Variants in CAMTA1 observed in about 807,000 individuals in gnomAD.
CAMTA1 encodes calmodulin binding transcription activator 1, also known as calmodulin-binding transcription activator 1.
Under a neutral mutation model 170.9 loss-of-function variants are expected in CAMTA1, and 27 were observed. The observed-to-expected ratio is 0.16, with a 90% CI of 0.12 to 0.22. CAMTA1 has a LOEUF of 0.22. Among genes scored for constraint, CAMTA1 ranks in the 10% least tolerant of loss-of-function variants. The pLI is 1.00. For synonymous variants in CAMTA1, 833 were observed against 891.5 expected (o/e 0.93, Z 1.17); for missense variants, 1,619 against 2,217.2 (o/e 0.73, Z 5.42).
intron 3 of CAMTA1, among the ~76,000 whole-genome samples, chr1:6,948,532 G>A (rs992791416): frequency 6.6e-6 from 1 of 152,152 alleles, no homozygotes; most frequent in Non-Finnish European, 1.5e-5. Flanking sequence ...TCCATTTACC[G>A]ATGAGGAACT....
rs184800858 is a variant in CAMTA1 at position 7,297,433 on chromosome 1, A to C, written c.438+47807A>C. On this transcript the variant is annotated intron_variant, in intron 5 of 22. Transcript: ENST00000303635. ...CTGGCCTTTTGGGGAACAAATGCCC[A>C]AGGTACTCAGCAAGGGTTCTCTCGT... Among the ~76,000 whole-genome samples the C allele has an allele frequency of 4.4e-3, 675 of 152,330 alleles. 8 individuals are homozygous for C. Among genetic ancestry groups the C allele is most frequent in the Admixed American group, 0.024 (368 of 15,308 alleles).
At chr1:7,560,533 T>C (rs917137311) in intron 6 of CAMTA1, among the ~76,000 whole-genome samples, 4 of 152,246 alleles carry the variant, frequency 2.6e-5, no homozygotes, top group Non-Finnish European at 5.9e-5. Context: ...CCAAGGATAC[T>C]TGGCCATCTG....
At chr1:7,080,400 C>A (rs755588682) in intron 3 of CAMTA1, among the ~76,000 whole-genome samples, 1 of 152,166 alleles carries the variant, frequency 6.6e-6, no homozygotes, top group Non-Finnish European at 1.5e-5. Context: ...GACCTCAATA[C>A]GGCAATTTGA....
At chr1:6,817,357 C>T (rs1279554618) in intron 1 of CAMTA1, among the ~76,000 whole-genome samples, 1 of 152,082 alleles carries the variant, frequency 6.6e-6, no homozygotes, top group Non-Finnish European at 1.5e-5. Context: ...AGTTTTAATT[C>T]AGAAACTAAA....
chr1:6,903,976 C>T (rs561771834), intron 3 of CAMTA1, among the ~76,000 whole-genome samples: 1 of 152,326 alleles, frequency 6.6e-6, no homozygotes, highest in East Asian at 1.9e-4. Context: ...CCCAAATTAT[C>T]TACAGTTTAT....
At chr1:6,820,364 C>A in intron 2 of CAMTA1, 114 bp downstream of exon 2, 1 of 892,424 alleles carries the variant, frequency 1.1e-6, no homozygotes, top group Non-Finnish European at 1.8e-6. Flanking sequence ...GACCTGGGTT[C>A]TGCACTTAAC....
intron 6 of CAMTA1, among the ~76,000 whole-genome samples, chr1:7,495,548 G>A (rs750268440): frequency 1.3e-4 from 20 of 152,184 alleles, no homozygotes; most frequent in Non-Finnish European, 2.4e-4. Context: ...GCACAGCCAG[G>A]CAGAGCCTGA....
chr1:7,651,384 C>A (rs1040451181), intron 7 of CAMTA1, among the ~76,000 whole-genome samples: 1 of 152,170 alleles, frequency 6.6e-6, no homozygotes, highest in Non-Finnish European at 1.5e-5. Context: ...CAGCAGGTGC[C>A]GCCTGTACAG....
chr1:7,707,862 C>T (rs998149195), intron 11 of CAMTA1, among the ~76,000 whole-genome samples: 3 of 152,104 alleles, frequency 2.0e-5, no homozygotes, highest in African/African-American at 7.2e-5. Context: ...AGTGAATTGC[C>T]CTGAAGTCAA....
chr1:7,527,180 G>A (rs562040794), intron 6 of CAMTA1, among the ~76,000 whole-genome samples: 4 of 152,180 alleles, frequency 2.6e-5, no homozygotes, highest in Non-Finnish European at 4.4e-5. Flanking sequence ...TGATGATCTC[G>A]TTTGACTCAT....
chr1:6,920,161 C>A (rs1681694085), intron 3 of CAMTA1, among the ~76,000 whole-genome samples: 1 of 152,170 alleles, frequency 6.6e-6, no homozygotes, highest in African/African-American at 2.4e-5. Context: ...TTAGTTACTT[C>A]CTAGATGCTT....
At chr1:7,507,097 CACTT>C (rs769627456) in intron 6 of CAMTA1, among the ~76,000 whole-genome samples, 44 of 152,006 alleles carry the variant, frequency 2.9e-4, no homozygotes, top group Non-Finnish European at 5.3e-4. Flanking sequence ...TTCACACCCA[CACTT>C]ACATGCTCAC....
chr1:7,405,248 CTAAAAGCGCATCTTG>C (rs1247545012), intron 5 of CAMTA1, among the ~76,000 whole-genome samples: 2 of 152,126 alleles, frequency 1.3e-5, no homozygotes, highest in Non-Finnish European at 2.9e-5. Flanking sequence ...CAAGATGGGC[CTAAAAGCGCATCTTG>C]AAGGCCTAGT....
chr1:7,552,999 A>G (rs1356737514), intron 6 of CAMTA1, among the ~76,000 whole-genome samples: 2 of 152,244 alleles, frequency 1.3e-5, no homozygotes, highest in African/African-American at 4.8e-5. Context: ...GACCTCTGGG[A>G]GCTGCAATAG....
intron 6 of CAMTA1, among the ~76,000 whole-genome samples, chr1:7,527,754 C>G (rs1328909602): frequency 6.6e-6 from 1 of 152,198 alleles, no homozygotes; most frequent in Non-Finnish European, 1.5e-5. Context: ...TTCATGCCCC[C>G]AACCAGCTAA....
Position 6,934,649 on chromosome 1 carries a change from C to T in CAMTA1, c.234+109439C>T, listed in dbSNP as rs1437144099. 3.9e-5 allele frequency among the ~76,000 whole-genome samples: 6 copies of T among 152,138 alleles called. No homozygotes were observed. The highest frequency in any genetic ancestry group is 5.9e-5 in the Non-Finnish European group (4 of 68,014). ...GGCCGGCAGGAGCTGCCCGAGATCCCGGGGCAAATGCCTCCCCTCCCTTCA... is the reference window on the plus strand; with the variant it reads ...GGCCGGCAGGAGCTGCCCGAGATCCTGGGGCAAATGCCTCCCCTCCCTTCA... On this transcript the variant is annotated intron_variant, in intron 3 of 22. Transcript: ENST00000303635. This position sits in a 1 kb window ranked among gnomAD's most constrained non-coding sequence, Gnocchi z 4.5.
intron 4 of CAMTA1, among the ~76,000 whole-genome samples, chr1:7,204,001 T>C (rs1657212043): frequency 1.3e-5 from 2 of 151,698 alleles, no homozygotes; most frequent in Admixed American, 1.3e-4. Context: ...CCGGCTAATT[T>C]TTTTTTTTGG....
At chr1:7,187,179 C>T (rs1653513708) in intron 4 of CAMTA1, among the ~76,000 whole-genome samples, 1 of 151,956 alleles carries the variant, frequency 6.6e-6, no homozygotes, top group Non-Finnish European at 1.5e-5. Flanking sequence ...AAAATGACTC[C>T]AGGTTTGCAG....
At chr1:6,792,520 T>TGTACCC (rs1641411996) in intron 1 of CAMTA1, among the ~76,000 whole-genome samples, 1 of 152,098 alleles carries the variant, frequency 6.6e-6, no homozygotes, top group Admixed American at 6.5e-5. Flanking sequence ...AGAAATATTA[T>TGTACCC]GTACCCCATT....
Sources: gnomAD v4.1 joint callset for allele counts (sites outside exome capture counted in the v4.1 genomes callset) on GRCh38, gnomAD v4.1.1 for gene constraint, Gnocchi (gnomAD v3.1) non-coding constraint, MANE v1.5 for transcripts, NCBI Gene and HGNC (gene_info 2026-07-23, HGNC 2026-07-21) for gene names.